Variants in ZNF385C observed in about 807,000 individuals in gnomAD.
ZNF385C encodes the protein CTD-2132N18.2.
ZNF385C carries 28 observed loss-of-function variants against 35.4 expected under a neutral mutation model. The ratio of observed to expected loss-of-function variants is 0.79; its 90% confidence interval spans 0.59 to 1.08. The LOEUF (loss-of-function observed/expected upper bound fraction) is 1.08. Ranked by LOEUF, ZNF385C falls within the 50% of genes least tolerant of loss-of-function variation. The pLI, the probability that ZNF385C is intolerant of heterozygous loss-of-function variation, is 0.00. For missense variants in ZNF385C, 605 were observed against 595.6 expected, an observed-to-expected ratio of 1.02 and a Z score of -0.16; for synonymous variants, 248 against 248.2, an observed-to-expected ratio of 1.00 and a Z score of 0.01.
At position 42,027,619 on chromosome 17, in the gene ZNF385C, T is replaced by C. The variant is rs2052620120; in HGVS notation, c.1274A>G (p.Lys425Arg). ...KHAALAVSILKSKLALQKQLT... is the reference protein window; with the variant it reads ...KHAALAVSILRSKLALQKQLT... Reference sequence around the variant, plus strand: ...GCTCTGTTGCCTGGAGACAGATACCTTGAGGATACTCACAGCCAGCGCTGC... The same window carrying C: ...GCTCTGTTGCCTGGAGACAGATACCCTGAGGATACTCACAGCCAGCGCTGC... The change falls in exon 8 of 9, where the codon AAG becomes AGG. Residue 425 changes from lysine to arginine, a missense_variant and splice_region_variant. Physicochemically the swap from Lys to Arg is conservative, Grantham distance 26. Transcript: ENST00000692273. 2.2e-6 allele frequency: 3 copies of C among 1,340,808 alleles called. No homozygotes were observed. Among genetic ancestry groups the C allele is most frequent in the Non-Finnish European group, 2.9e-6 (3 of 1,018,562 alleles). 83.1% of individuals were successfully genotyped at this position (1,340,808 alleles called of 1,614,324 possible).
At chr17:42,081,873 G>A (rs1555659742) in intron 1 of ZNF385C, among the ~76,000 whole-genome samples, 1 of 152,220 alleles carries the variant, frequency 6.6e-6, no homozygotes, top group Admixed American at 6.5e-5. Flanking sequence ...AGATTCAGGA[G>A]CCTGGGGTGA....
chr17:42,059,181 A>G (rs557857011), intron 2 of ZNF385C, among the ~76,000 whole-genome samples: 1 of 152,288 alleles, frequency 6.6e-6, no homozygotes, highest in Non-Finnish European at 1.5e-5. Context: ...CCTTAGGCAC[A>G]GCTATCACTC....
chr17:42,051,912 T>A (rs535752788), intron 2 of ZNF385C, among the ~76,000 whole-genome samples: 2 of 152,194 alleles, frequency 1.3e-5, no homozygotes, highest in African/African-American at 4.8e-5. Context: ...GGAGCGCGAA[T>A]CACATGCACA....
intron 1 of ZNF385C, among the ~76,000 whole-genome samples, chr17:42,087,892 A>T (rs1326049775): frequency 6.6e-6 from 1 of 152,244 alleles, no homozygotes; most frequent in African/African-American, 2.4e-5. Flanking sequence ...CCTTTTGCAC[A>T]TACTGAACCC....
At chr17:42,097,234 T>C (rs901882677) in intron 1 of ZNF385C, among the ~76,000 whole-genome samples, 24 of 152,258 alleles carry the variant, frequency 1.6e-4, no homozygotes, top group African/African-American at 5.8e-4. Context: ...TTGTTCAAGG[T>C]CACGCAGTAG....
At chr17:42,039,250 C>CAAAAAAAGAA (rs1181151909) in intron 2 of ZNF385C, 1 of 151,694 alleles carries the variant, frequency 6.6e-6, no homozygotes, top group African/African-American at 2.5e-5. Context: ...GACTCCATCT[C>CAAAAAAAGAA]AAAAAAAGAA....
Position 42,079,520 on chromosome 17 carries a change from G to A in ZNF385C, c.-2-16462C>T, listed in dbSNP as rs145474740. Among the ~76,000 whole-genome samples the A allele has an allele frequency of 2.0e-3, 294 of 150,352 alleles. 5 individuals are homozygous for A. Among genetic ancestry groups the A allele is most frequent in the Non-Finnish European group, 9.2e-4 (62 of 67,678 alleles). ...ATCTTTACAAAAAAAAAAAAAATTA[G>A]TTGACCATGGTGGTGCATGTCTGTA... On this transcript the variant is annotated intron_variant, in intron 1 of 8. Coordinates refer to ENST00000692273, the MANE Select transcript of ZNF385C (RefSeq NM_001392013.1).
intron 8 of ZNF385C, 67 bp downstream of exon 8, chr17:42,027,551 C>CAA: frequency 1.9e-6 from 1 of 525,328 alleles, no homozygotes; most frequent in Non-Finnish European, 3.5e-6. Context: ...GCCCCCCCAT[C>CAA]TGGCCCTCCC....
In ZNF385C at chr17:42,048,010, T is replaced by A. The variant is rs571078666; in HGVS notation, c.251-10125A>T. On this transcript the variant is annotated intron_variant, in intron 2 of 8. Coordinates refer to ENST00000692273, the MANE Select transcript of ZNF385C (RefSeq NM_001392013.1). ...CACCACACCCTCCTTGGAATCCTCT[T>A]TTCTCTTGGCTTCTAGGATCCCATG... Among the ~76,000 whole-genome samples, 5 of 152,190 alleles carry A rather than the reference T, an allele frequency of 3.3e-5. No individual in the cohort carries two copies. The East Asian group carries it at 9.7e-4, about 30-fold the overall frequency.
intron 1 of ZNF385C, among the ~76,000 whole-genome samples, chr17:42,078,086 A>G (rs2143918800): frequency 6.6e-6 from 1 of 152,292 alleles, no homozygotes; most frequent in East Asian, 1.9e-4. Flanking sequence ...AAATCCCCAA[A>G]TAATGAGACA....
chr17:42,077,782 G>C (rs1031706173), intron 1 of ZNF385C, among the ~76,000 whole-genome samples: 2 of 152,124 alleles, frequency 1.3e-5, no homozygotes, highest in South Asian at 2.1e-4. Flanking sequence ...ACAGTGGGTA[G>C]GCCTGTCCCA....
Position 42,094,272 on chromosome 17 carries a change from C to T in ZNF385C, c.-3+4138G>A, listed in dbSNP as rs1302639773. Among the ~76,000 whole-genome samples the T allele has an allele frequency of 2.6e-5, 4 of 152,202 alleles. 1 individual carries two copies. Among genetic ancestry groups the T allele is most frequent in the East Asian group, 3.8e-4 (2 of 5,202 alleles). On this transcript the variant is annotated intron_variant, in intron 1 of 8. Coordinates refer to ENST00000692273, the MANE Select transcript of ZNF385C (RefSeq NM_001392013.1). ...TGCTAGTATTACAGGCGTGAGCCACCGTGCCTGGCTGTCACCTTCTTTCAG... is the reference window on the plus strand; with the variant it reads ...TGCTAGTATTACAGGCGTGAGCCACTGTGCCTGGCTGTCACCTTCTTTCAG...
intron 1 of ZNF385C, among the ~76,000 whole-genome samples, chr17:42,080,711 G>C (rs1555659654): frequency 6.6e-6 from 1 of 152,226 alleles, no homozygotes; most frequent in Non-Finnish European, 1.5e-5. Context: ...GCCGTTGCAG[G>C]CCATGAAGAA....
intron 2 of ZNF385C, chr17:42,039,697 G>A (rs2052958180): frequency 1.6e-6 from 2 of 1,232,420 alleles, no homozygotes; most frequent in Non-Finnish European, 2.0e-6. Flanking sequence ...GAGGGAAGGA[G>A]GCCACCCTCA....
chr17:42,069,026 G>C lies in ZNF385C; in HGVS notation c.-2-5968C>G, dbSNP rs149074824. On this transcript the variant is annotated intron_variant, in intron 1 of 8. Coordinates refer to ENST00000692273, the MANE Select transcript of ZNF385C (RefSeq NM_001392013.1). ...GACAAGGGGAAAGCAGAGAAAAAGC[G>C]TGTATGTACCCATCCATCTGTCTGT... Among the ~76,000 whole-genome samples, 992 of 152,354 alleles carry C rather than the reference G, an allele frequency of 6.5e-3. 10 individuals carry two copies. Among genetic ancestry groups the C allele is most frequent in the Middle Eastern group, 0.031 (9 of 294 alleles).
At chr17:42,036,904 G>T (rs2052867864) in intron 3 of ZNF385C, among the ~76,000 whole-genome samples, 1 of 152,118 alleles carries the variant, frequency 6.6e-6, no homozygotes, top group African/African-American at 2.4e-5. Context: ...ATCTGCTCAG[G>T]ATGGGGCATG....
chr17:42,092,200 G>A (rs11867242), intron 1 of ZNF385C, among the ~76,000 whole-genome samples: 2,383 of 152,208 alleles, frequency 0.016, 43 homozygotes, highest in African/African-American at 0.034. Flanking sequence ...AGGAGTTCGA[G>A]ACCAGCCAGG....
intron 3 of ZNF385C, 126 bp from the exon 4 acceptor site, chr17:42,034,461 T>C: frequency 1.5e-6 from 1 of 651,244 alleles, no homozygotes. Flanking sequence ...TAGGAAGAAC[T>C]TTTCCATCCT....
intron 1 of ZNF385C, among the ~76,000 whole-genome samples, chr17:42,069,208 A>G (rs1262236427): frequency 1.0e-4 from 14 of 137,870 alleles, no homozygotes; most frequent in African/African-American, 3.9e-4. Flanking sequence ...TGTGCTGGAG[A>G]GCTGTGTAGC....
Sources: allele counts gnomAD v4.1 joint callset (sites outside exome capture counted in the v4.1 genomes callset), GRCh38; gene constraint gnomAD v4.1.1; transcripts MANE v1.5; gene names NCBI Gene and HGNC (gene_info 2026-07-23, HGNC 2026-07-21).